Variants in NAV2 observed in about 807,000 individuals in gnomAD.
NAV2 encodes the protein neuron navigator 2.
NAV2 carries 54 observed loss-of-function variants against 223.2 expected under a neutral mutation model. The observed-to-expected ratio is 0.24, with a 90% CI of 0.19 to 0.30. NAV2 has a LOEUF of 0.30. Among genes scored for constraint, NAV2 ranks in the 10% least tolerant of loss-of-function variants. The pLI is 1.00. For missense variants in NAV2, 2,806 were observed against 3,147.5 expected (o/e 0.89, Z 2.60); for synonymous variants, 1,279 against 1,239.3 (o/e 1.03, Z -0.67).
rs779742228 is a variant in NAV2, at chr11:19,933,161, C to A, written c.932-15C>A. 2.0e-6 allele frequency: 3 copies of A among 1,511,636 alleles called. No homozygotes were observed. Among genetic ancestry groups the A allele is most frequent in the Admixed American group, 2.2e-5 (1 of 45,340 alleles). The allele number at this position is 1,511,636 out of a possible 1,614,324, so 93.6% of individuals were successfully genotyped here. On this transcript the variant is annotated splice_polypyrimidine_tract_variant and intron_variant, in intron 6 of 37. Transcript: ENST00000349880. The surrounding 1 kb of genome is among the most constrained non-coding windows in gnomAD (Gnocchi z 4.3). The stretch of plus-strand genomic sequence containing the variant: ...AACAAGTATGATTCAGGCCTCCTCT[C>A]TTCTGTCTCTGCAGAGCCTTTGGCA...
chr11:19,359,702 T>C (rs1273388675), intron 1 of NAV2, among the ~76,000 whole-genome samples: 1 of 152,122 alleles, frequency 6.6e-6, no homozygotes, highest in Non-Finnish European at 1.5e-5. Flanking sequence ...TTCCAAAAAA[T>C]AGAATGCATT....
intron 1 of NAV2, among the ~76,000 whole-genome samples, chr11:19,405,453 G>A (rs751892227): frequency 7.2e-5 from 11 of 152,190 alleles, no homozygotes; most frequent in Non-Finnish European, 1.5e-4. Context: ...TCTCCACTGA[G>A]TTCTTTCCGC....
chr11:19,964,797 G>A (rs1830046102), intron 10 of NAV2, among the ~76,000 whole-genome samples: 1 of 142,298 alleles, frequency 7.0e-6, no homozygotes, highest in Non-Finnish European at 1.5e-5. Context: ...CACCACAGCT[G>A]GCCTCATTCT....
intron 1 of NAV2, among the ~76,000 whole-genome samples, chr11:19,533,219 A>G (rs1170937565): frequency 1.3e-5 from 2 of 152,092 alleles, no homozygotes; most frequent in Non-Finnish European, 2.9e-5. Flanking sequence ...CCTCAGCACA[A>G]TTGACGTTTG....
At chr11:19,547,975 T>C (rs2044558389) in intron 1 of NAV2, among the ~76,000 whole-genome samples, 1 of 152,206 alleles carries the variant, frequency 6.6e-6, no homozygotes, top group Non-Finnish European at 1.5e-5. Flanking sequence ...GATTTACAGA[T>C]GGGGAATCCC....
At chr11:19,347,583 G>A (rs1056604049), upstream of NAV2, among the ~76,000 whole-genome samples, 1 of 152,134 alleles carries the variant, frequency 6.6e-6, no homozygotes, top group Non-Finnish European at 1.5e-5. Flanking sequence ...GAACTTTGAG[G>A]AGAAGCCAGG....
chr11:20,082,379 A>G (rs1014251560), intron 25 of NAV2, among the ~76,000 whole-genome samples: 5 of 152,190 alleles, frequency 3.3e-5, no homozygotes, highest in African/African-American at 7.2e-5. Context: ...GGACTCCCCA[A>G]CCTGCTATTC....
At chr11:20,050,455 G>A (rs537641701) in intron 16 of NAV2, among the ~76,000 whole-genome samples, 14 of 151,836 alleles carry the variant, frequency 9.2e-5, no homozygotes, top group African/African-American at 3.4e-4. Flanking sequence ...CTTTACAAAT[G>A]TACACGCTTG....
intron 2 of NAV2, among the ~76,000 whole-genome samples, chr11:19,838,904 G>A (rs1455815689): frequency 1.3e-5 from 2 of 152,234 alleles, no homozygotes; most frequent in Non-Finnish European, 2.9e-5. Context: ...GATTATAGGT[G>A]TGAGCCACAT....
intron 1 of NAV2, among the ~76,000 whole-genome samples, chr11:19,562,064 C>CA (rs2045119575): frequency 6.6e-6 from 1 of 152,212 alleles, no homozygotes; most frequent in Non-Finnish European, 1.5e-5. Context: ...CTCCACACTG[C>CA]ATTCATTTAA....
chr11:20,057,857 G>A (rs2058461275), intron 19 of NAV2, among the ~76,000 whole-genome samples: 1 of 152,214 alleles, frequency 6.6e-6, no homozygotes, highest in Non-Finnish European at 1.5e-5. Context: ...GAATATCTGG[G>A]ATGTCAAAAT....
chr11:19,909,668 AG>A (rs1391589447), intron 6 of NAV2, among the ~76,000 whole-genome samples: 1 of 152,108 alleles, frequency 6.6e-6, no homozygotes, highest in African/African-American at 2.4e-5. Context: ...CTCTCTGGGA[AG>A]CACATTTCTT....
intron 2 of NAV2, among the ~76,000 whole-genome samples, chr11:19,840,337 A>T (rs1047933411): frequency 5.3e-5 from 8 of 152,242 alleles, no homozygotes; most frequent in Non-Finnish European, 1.0e-4. Context: ...GTGACAGACC[A>T]TGAAAAGGAA....
chr11:19,473,842 T>C (rs2632037), intron 1 of NAV2, among the ~76,000 whole-genome samples: 123,380 of 152,184 alleles, frequency 0.81, 50,162 homozygotes, highest in Non-Finnish European at 0.85. Context: ...AAGATTATAC[T>C]TGCCCGAAGT....
chr11:19,565,992 G>A (rs1471901), intron 1 of NAV2, among the ~76,000 whole-genome samples: 1,777 of 152,012 alleles, frequency 0.012, 43 homozygotes, highest in African/African-American at 0.04. Context: ...TGGATAGACC[G>A]CAGGACACTG....
intron 1 of NAV2, among the ~76,000 whole-genome samples, chr11:19,781,868 G>GA (rs1275862679): frequency 6.6e-6 from 1 of 152,006 alleles, no homozygotes; most frequent in African/African-American, 2.4e-5. Context: ...ATTATGAAAT[G>GA]ATTCCCACTA....
intron 4 of NAV2, among the ~76,000 whole-genome samples, chr11:19,876,673 G>A (rs2062849752): frequency 6.6e-6 from 1 of 152,126 alleles, no homozygotes; most frequent in South Asian, 2.1e-4. Flanking sequence ...CAGGACTGAT[G>A]CTGTTTGCAC....
At chr11:19,395,431 T>C (rs886446687) in intron 1 of NAV2, among the ~76,000 whole-genome samples, 2 of 152,234 alleles carry the variant, frequency 1.3e-5, no homozygotes, top group Non-Finnish European at 2.9e-5. Flanking sequence ...AGTCAGAGCC[T>C]AGTCTGTGGA....
At chr11:19,797,992 T>C (rs992367185) in intron 1 of NAV2, among the ~76,000 whole-genome samples, 3 of 152,198 alleles carry the variant, frequency 2.0e-5, no homozygotes, top group Non-Finnish European at 2.9e-5. Context: ...GTTTGTCTGA[T>C]GATTTAGCCT....
Sources: allele counts gnomAD v4.1 joint callset (sites outside exome capture counted in the v4.1 genomes callset), GRCh38; gene constraint gnomAD v4.1.1; non-coding constraint Gnocchi (gnomAD v3.1); transcripts MANE v1.5; gene names NCBI Gene and HGNC (gene_info 2026-07-23, HGNC 2026-07-21).